The following GCSAML variants were observed in gnomAD, a reference collection of about 807,000 sequenced individuals.
GCSAML encodes germinal center-associated signaling and motility-like protein.
Under a neutral mutation model 13.0 loss-of-function variants are expected in GCSAML, and 9 were observed. The ratio of observed to expected loss-of-function variants is 0.69; its 90% CI spans 0.42 to 1.21. GCSAML has a LOEUF of 1.21. Among genes scored for constraint, GCSAML ranks in the 50% most tolerant of loss-of-function variants. GCSAML has a pLI of 0.00. For missense variants in GCSAML, 143 were observed against 153.4 expected (o/e 0.93, Z 0.36); for synonymous variants, 37 against 52.9 (o/e 0.70, Z 1.31).
intron 1 of GCSAML, among the ~76,000 whole-genome samples, chr1:247,516,144 A>G (rs1393952714): frequency 1.3e-5 from 2 of 152,214 alleles, no homozygotes; most frequent in African/African-American, 4.8e-5. Context: ...TTTGCCACCT[A>G]CAGTAAGAAC....
At chr1:247,532,472 C>G (rs1667024748) in intron 2 of GCSAML, 2 of 1,613,966 alleles carry the variant, frequency 1.2e-6, no homozygotes, top group African/African-American at 2.7e-5. Flanking sequence ...CCCAGGAGGA[C>G]AAAGACTTCT....
chr1:247,516,673 G>T (rs1666222141), intron 1 of GCSAML, among the ~76,000 whole-genome samples: 1 of 151,486 alleles, frequency 6.6e-6, no homozygotes, highest in African/African-American at 2.4e-5. Context: ...ACCTCAAATG[G>T]ACACATCCTG....
rs186196184 is a variant in GCSAML at position 247,526,819 on chromosome 1, C to G, written c.-262-121C>G. The G allele has an allele frequency of 2.8e-6, 1 of 363,124 alleles. No homozygotes were observed. Among genetic ancestry groups the G allele is most frequent in the South Asian group, 2.1e-5 (1 of 47,150 alleles). The allele number at this position is 363,124 out of a possible 1,614,324, so 22.5% of individuals were successfully genotyped here. ...ATTCGGCTGAAAAGGGACCTGGCAT[C>G]GAAAGACAAGTGGTGTCCAATATGG... On this transcript the variant is annotated intron_variant, in intron 1 of 5. Coordinates refer to the GCSAML transcript ENST00000366489. This position sits in a 1 kb window ranked among gnomAD's most constrained non-coding sequence, Gnocchi z 4.8.
chr1:247,527,322 C>T lies in GCSAML; in HGVS notation c.-148+268C>T, dbSNP rs1558238928. 2 of 235,828 alleles carry T rather than the reference C, an allele frequency of 8.5e-6. No homozygotes were observed. The highest frequency in any genetic ancestry group is 1.7e-5 in the Non-Finnish European group (2 of 117,018). The allele number at this position is 235,828 out of a possible 1,614,324, so 14.6% of individuals were successfully genotyped here. A position where few individuals can be genotyped will look rare whatever the true frequency, so the allele number is the denominator to read the frequency against. On this transcript the variant is annotated intron_variant, in intron 2 of 5. Transcript: ENST00000366489. The surrounding 1 kb of genome is among the most constrained non-coding windows in gnomAD (Gnocchi z 4.6). Reference sequence around the variant, plus strand: ...CCCCACATAAACTGATGAGGACCTGCACTCCTGTCCTGAGTTGACACCCAG... The same window carrying T: ...CCCCACATAAACTGATGAGGACCTGTACTCCTGTCCTGAGTTGACACCCAG...
At chr1:247,525,827 C>T (rs1666659765) in intron 1 of GCSAML, 3 of 152,220 alleles carry the variant, frequency 2.0e-5, no homozygotes, top group Admixed American at 6.5e-5. Context: ...AGGTGCCCAG[C>T]TCCCATCCTG....
intron 1 of GCSAML, among the ~76,000 whole-genome samples, chr1:247,549,887 C>T (rs1214009032): frequency 1.3e-5 from 2 of 152,214 alleles, no homozygotes; most frequent in African/African-American, 4.8e-5. Flanking sequence ...AAATGATGGG[C>T]TCTACAGCAT....
chr1:247,550,677 G>A (rs1667750673), intron 1 of GCSAML, among the ~76,000 whole-genome samples: 1 of 152,074 alleles, frequency 6.6e-6, no homozygotes, highest in African/African-American at 2.4e-5. Context: ...AAGGGTTCAT[G>A]GATGGAGAAG....
chr1:247,548,939 T>G, upstream of GCSAML: 2 of 720,198 alleles, frequency 2.8e-6, no homozygotes, highest in Non-Finnish European at 4.2e-6. The surrounding 1 kb of genome is among the most constrained non-coding windows in gnomAD (Gnocchi z 5.3). Context: ...TGCCCACGCG[T>G]GTGTGTATGA....
At chr1:247,543,825 T>C (rs548451022) in intron 2 of GCSAML, among the ~76,000 whole-genome samples, 20 of 152,220 alleles carry the variant, frequency 1.3e-4, no homozygotes, top group African/African-American at 4.6e-4. Flanking sequence ...AGTCTCACTC[T>C]GTCACCCAGG....
chr1:247,564,685 G>C (rs1668271585), intron 3 of GCSAML, among the ~76,000 whole-genome samples: 1 of 152,012 alleles, frequency 6.6e-6, no homozygotes, highest in Admixed American at 6.6e-5. Context: ...TATGAATGTG[G>C]GGACATAAGG....
chr1:247,559,316 G>T (rs1183485921), intron 2 of GCSAML, among the ~76,000 whole-genome samples: 1 of 152,134 alleles, frequency 6.6e-6, no homozygotes, highest in Non-Finnish European at 1.5e-5. Flanking sequence ...TGGTTTATTT[G>T]AGTTACCTTT....
At chr1:247,538,776 TC>T (rs1265134731) in intron 2 of GCSAML, 1 of 456,344 alleles carries the variant, frequency 2.2e-6, no homozygotes, top group Non-Finnish European at 4.4e-6. Context: ...ATCTTGGACT[TC>T]CAGTCTCCAG....
upstream of GCSAML, among the ~76,000 whole-genome samples, chr1:247,544,362 G>A (rs1231096313): frequency 1.3e-5 from 2 of 152,088 alleles, no homozygotes; most frequent in Non-Finnish European, 2.9e-5. Context: ...TATATCCTTC[G>A]AAGTTTCTGT....
At chr1:247,517,528 T>C (rs992855714) in intron 1 of GCSAML, among the ~76,000 whole-genome samples, 1 of 152,204 alleles carries the variant, frequency 6.6e-6, no homozygotes, top group African/African-American at 2.4e-5. Flanking sequence ...GGTTAGTAGA[T>C]TCTGACAAAA....
At chr1:247,531,114 G>A (rs1407969406) in intron 2 of GCSAML, 1 of 170,286 alleles carries the variant, frequency 5.9e-6, no homozygotes, top group East Asian at 1.7e-4. Context: ...CGGAGTCCCG[G>A]GCTCAGCTCA....
At chr1:247,558,477 C>T (rs967000510) in intron 2 of GCSAML, among the ~76,000 whole-genome samples, 1 of 152,164 alleles carries the variant, frequency 6.6e-6, no homozygotes, top group East Asian at 1.9e-4. Flanking sequence ...AAAACATACT[C>T]AGTCATGTAG....
At chr1:247,518,808 G>T (rs556054007) in intron 1 of GCSAML, among the ~76,000 whole-genome samples, 82 of 152,306 alleles carry the variant, frequency 5.4e-4, no homozygotes, top group African/African-American at 2.0e-3. Context: ...GGGCAATACA[G>T]CGAGAACCCA....
At chr1:247,548,062 C>T (rs935217609), upstream of GCSAML, among the ~76,000 whole-genome samples, 5 of 152,222 alleles carry the variant, frequency 3.3e-5, no homozygotes, top group African/African-American at 1.2e-4. The surrounding 1 kb of genome is among the most constrained non-coding windows in gnomAD (Gnocchi z 5.3). Context: ...GTCAATTAAA[C>T]TTCCTCAGTC....
intron 2 of GCSAML, chr1:247,532,607 A>G: frequency 1.7e-6 from 2 of 1,171,230 alleles, no homozygotes; most frequent in South Asian, 1.5e-5. Context: ...AGCAAACATT[A>G]AAAGTGTATT....
Sources: allele counts gnomAD v4.1 joint callset (sites outside exome capture counted in the v4.1 genomes callset), GRCh38; gene constraint gnomAD v4.1.1; non-coding constraint Gnocchi (gnomAD v3.1); transcripts MANE v1.5; gene names NCBI Gene and HGNC (gene_info 2026-07-23, HGNC 2026-07-21).